The following PRDM16 variants were observed in gnomAD, a reference collection of about 807,000 sequenced individuals.
PRDM16 encodes histone-lysine N-methyltransferase PRDM16.
A neutral mutation model predicts 110.6 loss-of-function variants in PRDM16; 23 were observed. That is an observed-to-expected ratio of 0.21 (90% CI 0.15 to 0.29). PRDM16 has a LOEUF of 0.29. Among genes scored for constraint, PRDM16 ranks in the 10% least tolerant of loss-of-function variants. The pLI is 1.00. For missense variants in PRDM16, 1,615 were observed against 1,794.3 expected, an observed-to-expected ratio of 0.90 and a Z score of 1.81; for synonymous variants, 799 against 781.8, an observed-to-expected ratio of 1.02 and a Z score of -0.37.
chr1:3,423,882 C>T (rs542036389), intron 12 of PRDM16, among the ~76,000 whole-genome samples: 1 of 152,254 alleles, frequency 6.6e-6, no homozygotes, highest in African/African-American at 2.4e-5. Flanking sequence ...AATATGAAAA[C>T]GCATGATCAT....
chr1:3,341,577 A>C (rs1642273786), intron 3 of PRDM16, among the ~76,000 whole-genome samples: 1 of 152,250 alleles, frequency 6.6e-6, no homozygotes, highest in Non-Finnish European at 1.5e-5. Flanking sequence ...GCGTGCGCAC[A>C]CACACAGAGG....
At chr1:3,364,043 C>T (rs2100564207) in intron 3 of PRDM16, among the ~76,000 whole-genome samples, 1 of 152,216 alleles carries the variant, frequency 6.6e-6, no homozygotes, top group South Asian at 2.1e-4. Flanking sequence ...GGGGGAAGTT[C>T]ACATGCCTCC....
chr1:3,138,179 C>T (rs1315926117), intron 1 of PRDM16, among the ~76,000 whole-genome samples: 1 of 152,354 alleles, frequency 6.6e-6, no homozygotes, highest in East Asian at 1.9e-4. Context: ...TTCCTTCTGT[C>T]CCCCTCCTAT....
In PRDM16 at chr1:3,416,321, A is replaced by C. The variant is rs892691225; in HGVS notation, c.2692-1507A>C. 5.3e-5 allele frequency among the ~76,000 whole-genome samples: 8 copies of C among 152,126 alleles called. No homozygotes were observed. The South Asian group carries it at 1.7e-3, about 32-fold the overall frequency. On this transcript the variant is annotated intron_variant, in intron 10 of 16. Coordinates refer to ENST00000270722, the MANE Select transcript of PRDM16 (RefSeq NM_022114.4). ...AAAAGCTGAGTGCCAGATGCCCGGCACTCGGACTCTGAGAGACCCCAGCCG... is the reference window on the plus strand; with the variant it reads ...AAAAGCTGAGTGCCAGATGCCCGGCCCTCGGACTCTGAGAGACCCCAGCCG...
At chr1:3,215,041 A>AT (rs1293901485) in intron 2 of PRDM16, among the ~76,000 whole-genome samples, 3 of 151,996 alleles carry the variant, frequency 2.0e-5, no homozygotes, top group Non-Finnish European at 4.4e-5. Flanking sequence ...TGATCAAGGT[A>AT]TTTTTTCAGC....
intron 5 of PRDM16, among the ~76,000 whole-genome samples, chr1:3,400,378 T>A (rs562031938): frequency 6.6e-6 from 1 of 152,260 alleles, no homozygotes; most frequent in East Asian, 1.9e-4. Context: ...GCCACCCACA[T>A]CATTTGCACA....
chr1:3,364,699 G>A (rs943821064), intron 3 of PRDM16, among the ~76,000 whole-genome samples: 5 of 152,230 alleles, frequency 3.3e-5, no homozygotes, highest in Admixed American at 6.5e-5. Flanking sequence ...TCAGCTGCGC[G>A]GGGGACAGGC....
At chr1:3,070,060 G>A (rs1237865974) in intron 1 of PRDM16, among the ~76,000 whole-genome samples, 1 of 151,984 alleles carries the variant, frequency 6.6e-6, no homozygotes, top group Non-Finnish European at 1.5e-5. Context: ...CGGGGCGACA[G>A]TGCCTCCGAC....
chr1:3,139,232 T>A (rs1156930221), intron 1 of PRDM16, among the ~76,000 whole-genome samples: 1 of 152,178 alleles, frequency 6.6e-6, no homozygotes, highest in East Asian at 1.9e-4. Flanking sequence ...GCCTCCCCTA[T>A]GTGGAACTGG....
chr1:3,130,931 TC>T (rs1446779315), intron 1 of PRDM16, among the ~76,000 whole-genome samples: 1 of 152,166 alleles, frequency 6.6e-6, no homozygotes, highest in Non-Finnish European at 1.5e-5. Flanking sequence ...TGTGCCCTGT[TC>T]AGGTTAGGTG....
At chr1:3,275,202 C>T (rs1217966899) in intron 3 of PRDM16, among the ~76,000 whole-genome samples, 1 of 152,232 alleles carries the variant, frequency 6.6e-6, no homozygotes, top group Non-Finnish European at 1.5e-5. Flanking sequence ...ATTAATTTTG[C>T]CTGGTAAATG....
At chr1:3,073,529 C>A (rs1433296811) in intron 1 of PRDM16, among the ~76,000 whole-genome samples, 1 of 152,180 alleles carries the variant, frequency 6.6e-6, no homozygotes, top group Non-Finnish European at 1.5e-5. Context: ...GGAGCAGCTC[C>A]GGCGACTTCC....
rs777229863 is a variant in PRDM16, at chr1:3,437,682, C to T, written c.*3871C>T. The stretch of plus-strand genomic sequence containing the variant: ...CATTCTTCCTAGAAGAGTTCCTCTG[C>T]TCCTTCCATTCCATTTTTGTGTTTG... On this transcript the variant is annotated 3_prime_UTR_variant, in exon 17 of 17. Transcript: ENST00000270722. The T allele has an allele frequency of 8.8e-6, 2 of 226,080 alleles. No homozygotes were observed. The highest frequency in any genetic ancestry group is 1.8e-5 in the Non-Finnish European group (2 of 113,678). The allele number at this position is 226,080 out of a possible 1,614,324, so 14.0% of individuals were successfully genotyped here.
At chr1:3,300,441 A>C (rs1398042219) in intron 3 of PRDM16, among the ~76,000 whole-genome samples, 1 of 150,010 alleles carries the variant, frequency 6.7e-6, no homozygotes, top group African/African-American at 2.5e-5. Context: ...CCCTTGTTGA[A>C]GATGCTATGC....
At chr1:3,405,470 G>T (rs1406539871) in intron 7 of PRDM16, 25 bp from the exon 8 acceptor site, 1 of 1,535,968 alleles carries the variant, frequency 6.5e-7, no homozygotes, top group Non-Finnish European at 8.8e-7. Context: ...GGCAGGGCAC[G>T]CGCCAACGGC....
intron 3 of PRDM16, among the ~76,000 whole-genome samples, chr1:3,247,137 G>A (rs1639807670): frequency 6.6e-6 from 1 of 152,176 alleles, no homozygotes; most frequent in Non-Finnish European, 1.5e-5. Flanking sequence ...ACCTCATAGG[G>A]GAACATGACG....
chr1:3,183,286 G>A (rs1041918232), intron 1 of PRDM16, among the ~76,000 whole-genome samples: 9 of 152,324 alleles, frequency 5.9e-5, no homozygotes, highest in African/African-American at 1.7e-4. Context: ...CATCCTGGCC[G>A]GAGCTCAGGG....
At chr1:3,151,086 CCCCTGGG>C (rs1400181982) in intron 1 of PRDM16, among the ~76,000 whole-genome samples, 6 of 152,182 alleles carry the variant, frequency 3.9e-5, no homozygotes, top group African/African-American at 1.4e-4. Context: ...GGTGGCGGGA[CCCCTGGG>C]CCTCCTGGTC....
At chr1:3,389,584 TG>T (rs1643262650) in intron 4 of PRDM16, among the ~76,000 whole-genome samples, 1 of 152,182 alleles carries the variant, frequency 6.6e-6, no homozygotes, top group African/African-American at 2.4e-5. Context: ...GAGGCCACAT[TG>T]GGCCATGAAT....
Sources: allele counts gnomAD v4.1 joint callset (sites outside exome capture counted in the v4.1 genomes callset), GRCh38; gene constraint gnomAD v4.1.1; transcripts MANE v1.5; gene names NCBI Gene and HGNC (gene_info 2026-07-23, HGNC 2026-07-21).